NSUN4: variants seen among roughly 807,000 people sequenced by gnomAD.
NSUN4 encodes the protein NOP2/Sun RNA methyltransferase 4, also known as 5-cytosine rRNA methyltransferase NSUN4.
A neutral mutation model predicts 43.8 loss-of-function variants in NSUN4; 31 were observed. The observed-to-expected ratio is 0.71, with a 90% CI of 0.53 to 0.96. The LOEUF (loss-of-function observed/expected upper bound fraction) is 0.96. Among genes scored for constraint, NSUN4 ranks in the 40% least tolerant of loss-of-function variants. The probability of loss-of-function intolerance (pLI) is 0.00; values close to 1 mark genes in which losing one functional copy is unlikely to be tolerated. For synonymous variants in NSUN4, 167 were observed against 184.1 expected, an observed-to-expected ratio of 0.91 and a Z score of 0.75; for missense variants, 439 against 475.6, an observed-to-expected ratio of 0.92 and a Z score of 0.72.
chr1:46,360,249 A>AT (rs1464323018), intron 4 of NSUN4, among the ~76,000 whole-genome samples: 1 of 25,738 alleles, frequency 3.9e-5, no homozygotes, highest in Non-Finnish European at 7.2e-5. Context: ...AAAAAAAAAA[A>AT]ATATATATAT....
chr1:46,346,124 C>T (rs1316467225), intron 2 of NSUN4, among the ~76,000 whole-genome samples: 4 of 135,784 alleles, frequency 2.9e-5, no homozygotes, highest in African/African-American at 1.1e-4. Flanking sequence ...GTACTCCAGT[C>T]TGGGCGACAG....
chr1:46,368,555 G>T (rs1023070065), downstream of NSUN4, among the ~76,000 whole-genome samples: 2 of 152,122 alleles, frequency 1.3e-5, no homozygotes, highest in Admixed American at 6.6e-5. Context: ...TCAGTTAAAC[G>T]GTTAGGTGAC....
intron 1 of NSUN4, 107 bp from the exon 2 acceptor site, chr1:46,344,694 G>T: frequency 2.2e-6 from 2 of 914,162 alleles, no homozygotes; most frequent in South Asian, 1.6e-5. Context: ...AGCAGGAGTG[G>T]GCACTAGCTG....
At position 46,345,114 on chromosome 1, in the gene NSUN4, G is replaced by C. The variant is rs1662395371; in HGVS notation, c.407G>C (p.Arg136Thr). The C allele has an allele frequency of 6.2e-7, 1 of 1,612,498 alleles. No homozygotes were observed. Among genetic ancestry groups the C allele is most frequent in the South Asian group, 1.1e-5 (1 of 90,998 alleles). ...SPNLRCFTFD[R>T]GDISRFPPAR... is the part of the protein sequence containing the mutation. ...AACCTTCGATGCTTCACTTTTGACA[G>C]AGGGGATATCAGTCGCTTCCCTCCT... Residue 136 changes from arginine (R) to threonine (T), a missense_variant, in exon 2 of 6, where the codon AGA (arginine) becomes ACA (threonine). By Grantham distance (71) the Arg-to-Thr change is moderately conservative (BLOSUM62 -1). Coordinates refer to ENST00000474844, the MANE Select transcript of NSUN4 (RefSeq NM_199044.4).
the NSUN4 span, among the ~76,000 whole-genome samples, chr1:46,379,720 G>A: frequency 5.3e-5 from 8 of 152,156 alleles, no homozygotes; most frequent in African/African-American, 1.9e-4. Context: ...AGGCTGGGAG[G>A]TCTAAGGTCA....
At position 46,346,917 on chromosome 1, in the gene NSUN4, C is replaced by A. The variant is rs748471855; in HGVS notation, c.438-4C>A. On this transcript the variant is annotated splice_polypyrimidine_tract_variant and splice_region_variant and intron_variant, in intron 2 of 5. Coordinates refer to ENST00000474844, the MANE Select transcript of NSUN4 (RefSeq NM_199044.4). ...TAACAATAAAGTGGTCTCCTCTTTT[C>A]CAGACCTGGCAGCCTGGGTGTCATG... 6.2e-7 allele frequency: 1 copy of A among 1,612,126 alleles called. No individual in the cohort carries two copies. The highest frequency in any genetic ancestry group is 1.1e-5 in the South Asian group (1 of 90,884).
the NSUN4 span, among the ~76,000 whole-genome samples, chr1:46,374,982 T>C: frequency 6.6e-6 from 1 of 152,220 alleles, no homozygotes; most frequent in African/African-American, 2.4e-5. Flanking sequence ...AATTTATTCG[T>C]ATTTCAAAAC....
At chr1:46,381,493 G>T in the NSUN4 span, among the ~76,000 whole-genome samples, 1 of 152,008 alleles carries the variant, frequency 6.6e-6, no homozygotes, top group South Asian at 2.1e-4. Context: ...TTTAATATGC[G>T]CCCAGGGAGC....
At chr1:46,378,564 TG>T in the NSUN4 span, among the ~76,000 whole-genome samples, 1 of 152,252 alleles carries the variant, frequency 6.6e-6, no homozygotes, top group Non-Finnish European at 1.5e-5. Context: ...TGTGTAGCAC[TG>T]AGCAAGTGAC....
In NSUN4 at chr1:46,361,642, C is replaced by T. The variant is rs112607536; in HGVS notation, c.951C>T (p.Asn317=). 1.5e-5 allele frequency: 24 copies of T among 1,614,034 alleles called. No homozygotes were observed. The highest frequency in any genetic ancestry group is 9.3e-5 in the African/African-American group (7 of 74,898). The change falls in exon 6 of 6, where the codon AAC becomes AAT. Residue 317 remains asparagine, a synonymous_variant. Transcript: ENST00000474844. The part of the protein sequence containing the change: ...YSTCSLSHLQ[N]EYVVQGAIEL... ...CCTGCTCACTCTCACACTTACAGAACGAGTATGTGGTGCAAGGTGCCATTG... is the reference window on the plus strand; with the variant it reads ...CCTGCTCACTCTCACACTTACAGAATGAGTATGTGGTGCAAGGTGCCATTG...
the NSUN4 span, among the ~76,000 whole-genome samples, chr1:46,383,055 T>C: frequency 6.6e-6 from 1 of 152,126 alleles, no homozygotes; most frequent in Non-Finnish European, 1.5e-5. Flanking sequence ...GTCCCCAGAC[T>C]CCCCCTGGTC....
the NSUN4 span, among the ~76,000 whole-genome samples, chr1:46,378,605 C>T: frequency 6.6e-6 from 1 of 152,244 alleles, no homozygotes; most frequent in Non-Finnish European, 1.5e-5. Flanking sequence ...GGTTACTTAT[C>T]TGGGCAATGA....
chr1:46,383,411 A>G, the NSUN4 span, among the ~76,000 whole-genome samples: 5 of 148,116 alleles, frequency 3.4e-5, no homozygotes, highest in Non-Finnish European at 4.5e-5. Flanking sequence ...AGGTCTGTGA[A>G]CCCAATCTGT....
At chr1:46,354,410 G>A (rs1431649062) in intron 4 of NSUN4, among the ~76,000 whole-genome samples, 2 of 151,872 alleles carry the variant, frequency 1.3e-5, no homozygotes, top group South Asian at 2.1e-4. Flanking sequence ...GTCTCTTCAT[G>A]TTTTTAAGTT....
chr1:46,357,166 C>T (rs573939689), intron 4 of NSUN4, among the ~76,000 whole-genome samples: 2 of 152,246 alleles, frequency 1.3e-5, no homozygotes, highest in Admixed American at 1.3e-4. Flanking sequence ...TCTTCTGTGA[C>T]TGAGTGAGAT....
chr1:46,370,854 G>A, the NSUN4 span: 3 of 152,466 alleles, frequency 2.0e-5, no homozygotes, highest in African/African-American at 7.2e-5. Flanking sequence ...TAGCTTCCGG[G>A]ACACACAGAC....
chr1:46,364,725 T>C lies in NSUN4; in HGVS notation c.*2879T>C, dbSNP rs1050752340. On this transcript the variant is annotated 3_prime_UTR_variant, in exon 6 of 6. Transcript: ENST00000474844. ...CTGAAGCTCCACTGGTCACTCCTTTTATTGATTATTTGCAGCTGGTCTAAC... is the reference window on the plus strand; with the variant it reads ...CTGAAGCTCCACTGGTCACTCCTTTCATTGATTATTTGCAGCTGGTCTAAC... 1 of 152,194 alleles carries C rather than the reference T, an allele frequency of 6.6e-6. No homozygotes were observed. Among genetic ancestry groups the C allele is most frequent in the Non-Finnish European group, 1.5e-5 (1 of 68,032 alleles). The allele number at this position is 152,194 out of a possible 1,614,324, so 9.4% of individuals were successfully genotyped here.
Position 46,344,873 on chromosome 1 carries a change from T to G in NSUN4, c.166T>G (p.Phe56Val), listed in dbSNP as rs769965356. The G allele has an allele frequency of 1.2e-6, 2 of 1,614,182 alleles. No individual in the cohort carries two copies. Among genetic ancestry groups the G allele is most frequent in the Non-Finnish European group, 1.7e-6 (2 of 1,180,018 alleles). The change falls in exon 2 of 6, where the codon TTT becomes GTT. Residue 56 changes from phenylalanine (F) to valine (V), a missense_variant. Coordinates refer to ENST00000474844, the MANE Select transcript of NSUN4 (RefSeq NM_199044.4). ...TTTTGACATGACTTACAGTGTGCAG[T>G]TTGGAGATCTTTGGCCATCAATCCG... ...QNFDMTYSVQFGDLWPSIRVS... is the reference protein window; with the variant it reads ...QNFDMTYSVQVGDLWPSIRVS...
intron 3 of NSUN4, among the ~76,000 whole-genome samples, chr1:46,351,997 A>G (rs1663027326): frequency 6.6e-6 from 1 of 150,988 alleles, no homozygotes. Flanking sequence ...ATTTAAATAT[A>G]TTTTTATTTT....
Sources: allele counts gnomAD v4.1 joint callset (sites outside exome capture counted in the v4.1 genomes callset), GRCh38; gene constraint gnomAD v4.1.1; transcripts MANE v1.5; gene names NCBI Gene and HGNC (gene_info 2026-07-23, HGNC 2026-07-21).